WDR88: variants seen among roughly 807,000 people sequenced by gnomAD.
The protein encoded by WDR88 is WD repeat-containing protein 88.
WDR88 carries 40 observed loss-of-function variants against 46.8 expected under a neutral mutation model. The ratio of observed to expected loss-of-function variants is 0.86; its 90% CI spans 0.66 to 1.11. The LOEUF (loss-of-function observed/expected upper bound fraction) is 1.11, where lower values mean the gene tolerates loss of function less well. Among genes scored for constraint, WDR88 ranks in the 50% most tolerant of loss-of-function variants. The pLI, the probability that WDR88 is intolerant of heterozygous loss-of-function variation, is 0.00. For missense variants in WDR88, 562 were observed against 602.4 expected (o/e 0.93, Z 0.70); for synonymous variants, 235 against 240.7 (o/e 0.98, Z 0.22).
chr19:33,147,786 C>G, intron 4 of WDR88, 78 bp downstream of exon 4: 3 of 1,345,948 alleles, frequency 2.2e-6, no homozygotes, highest in South Asian at 1.2e-5. Context: ...TGGGTTGGAC[C>G]CTGGGTAGGG....
chr19:33,175,015 A>G, intron 10 of WDR88: 1 of 985,006 alleles, frequency 1.0e-6, no homozygotes, highest in Non-Finnish European at 1.2e-6. Context: ...TGGGTGGATC[A>G]CTTGAGGCCA....
intron 6 of WDR88, among the ~76,000 whole-genome samples, chr19:33,152,747 G>A (rs1452516736): frequency 3.3e-5 from 5 of 151,874 alleles, no homozygotes; most frequent in African/African-American, 9.7e-5. Context: ...GATTACAGGC[G>A]CCCACCACCA....
intron 2 of WDR88, among the ~76,000 whole-genome samples, chr19:33,140,072 A>G (rs953030759): frequency 3.3e-5 from 5 of 152,154 alleles, no homozygotes. Context: ...CAGAGCCCAG[A>G]GCCTCAAGAT....
At chr19:33,164,343 A>T (rs1433842982) in intron 9 of WDR88, 78 bp downstream of exon 9, 2 of 1,414,174 alleles carry the variant, frequency 1.4e-6, no homozygotes, top group Non-Finnish European at 2.0e-6. Context: ...CCAAGTATAA[A>T]ATTCCTGGGT....
At chr19:33,137,535 G>C in intron 1 of WDR88, 142 bp from the exon 2 acceptor site, 2 of 677,718 alleles carry the variant, frequency 3.0e-6, no homozygotes, top group Non-Finnish European at 4.8e-6. Flanking sequence ...TTACAGACGT[G>C]AACCACCCCC....
At chr19:33,161,218 G>A (rs1973860664) in intron 8 of WDR88, among the ~76,000 whole-genome samples, 1 of 152,100 alleles carries the variant, frequency 6.6e-6, no homozygotes, top group South Asian at 2.1e-4. Context: ...CTTGAAGAGA[G>A]ACGCATGCCC....
intron 7 of WDR88, among the ~76,000 whole-genome samples, chr19:33,157,585 GTATA>G (rs1165489381): frequency 7.3e-6 from 1 of 137,158 alleles, no homozygotes. Flanking sequence ...GTATATATAT[GTATA>G]TATGTGTATA....
At chr19:33,153,559 A>G (rs2145394866) in intron 6 of WDR88, among the ~76,000 whole-genome samples, 1 of 152,096 alleles carries the variant, frequency 6.6e-6, no homozygotes, top group African/African-American at 2.4e-5. Context: ...GCAGGGTGCA[A>G]TCTCGGCTCG....
chr19:33,163,968 G>A (rs141092596), intron 8 of WDR88, among the ~76,000 whole-genome samples: 15 of 151,336 alleles, frequency 9.9e-5, no homozygotes, highest in African/African-American at 3.4e-4. Context: ...CTGGGTTCTT[G>A]ACTTTTTGTT....
At chr19:33,154,399 A>G (rs1973695697) in intron 6 of WDR88, among the ~76,000 whole-genome samples, 1 of 151,994 alleles carries the variant, frequency 6.6e-6, no homozygotes, top group African/African-American at 2.4e-5. Context: ...GACAGGCCTC[A>G]GTGTGTGATG....
At chr19:33,150,397 C>T (rs111486702) in intron 5 of WDR88, among the ~76,000 whole-genome samples, 2,212 of 152,272 alleles carry the variant, frequency 0.015, 64 homozygotes, top group African/African-American at 0.05. Flanking sequence ...TGCAGTGAGC[C>T]GAAATCGCGC....
intron 1 of WDR88, among the ~76,000 whole-genome samples, chr19:33,133,721 CCT>C (rs1050213053): frequency 2.2e-4 from 34 of 152,306 alleles, no homozygotes; most frequent in African/African-American, 8.2e-4. Flanking sequence ...AAATCTGGCA[CCT>C]CTCCATGTTC....
At chr19:33,143,942 G>T (rs1885676927) in intron 2 of WDR88, among the ~76,000 whole-genome samples, 1 of 152,096 alleles carries the variant, frequency 6.6e-6, no homozygotes, top group Non-Finnish European at 1.5e-5. Flanking sequence ...CCTTTCCCTC[G>T]TTCATTTGAA....
intron 9 of WDR88, among the ~76,000 whole-genome samples, chr19:33,165,231 C>T (rs913710432): frequency 3.3e-5 from 5 of 152,016 alleles, no homozygotes; most frequent in East Asian, 1.9e-4. Context: ...ACTGGGGGGT[C>T]GGGGACCCCT....
At chr19:33,140,910 A>G (rs1973376598) in intron 2 of WDR88, among the ~76,000 whole-genome samples, 1 of 151,570 alleles carries the variant, frequency 6.6e-6, no homozygotes, top group Non-Finnish European at 1.5e-5. Flanking sequence ...CTTTGTAATA[A>G]TATGAGAAAA....
chr19:33,146,211 G>A (rs1196520144), intron 3 of WDR88, among the ~76,000 whole-genome samples: 1 of 152,198 alleles, frequency 6.6e-6, no homozygotes, highest in Non-Finnish European at 1.5e-5. Context: ...CAGGAGAATT[G>A]CTTGAACTCG....
At position 33,175,544 on chromosome 19, in the gene WDR88, C is replaced by T. The variant is rs142578978; in HGVS notation, c.1391C>T (p.Pro464Leu). 147 of 1,614,058 alleles carry T rather than the reference C, an allele frequency of 9.1e-5. No homozygotes were observed. The highest frequency in any genetic ancestry group is 1.2e-4 in the Non-Finnish European group (145 of 1,180,030). Residue 464 changes from proline to leucine, a missense_variant, in exon 11 of 11, where the codon CCG (proline) becomes CTG (leucine). Physicochemically the swap from Pro to Leu is moderately conservative, Grantham distance 98. Transcript: ENST00000355868. The stretch of plus-strand genomic sequence containing the variant: ...TCATCATCGGAAAGGGAGAACTCAC[C>T]GCCGCCAAGGGGAAGCAAGGATGAC... Reference protein sequence around the residue: ...SSSSSERENSPPPRGSKDD With the variant: ...SSSSSERENSLPPRGSKDD
At chr19:33,132,647 G>A (rs898965525) in intron 1 of WDR88, among the ~76,000 whole-genome samples, 5 of 152,058 alleles carry the variant, frequency 3.3e-5, no homozygotes, top group Non-Finnish European at 7.4e-5. Flanking sequence ...GGATGCCGGC[G>A]GGGGCTCCCC....
At chr19:33,148,063 G>C in intron 4 of WDR88, among the ~76,000 whole-genome samples, 1 of 152,030 alleles carries the variant, frequency 6.6e-6, no homozygotes, top group East Asian at 1.9e-4. Flanking sequence ...AAGATGTTTG[G>C]ATTTGATTAG....
Sources: allele counts gnomAD v4.1 joint callset (sites outside exome capture counted in the v4.1 genomes callset), GRCh38; gene constraint gnomAD v4.1.1; transcripts MANE v1.5; gene names NCBI Gene and HGNC (gene_info 2026-07-23, HGNC 2026-07-21).